Variants in HAUS7 observed in about 807,000 individuals in gnomAD.
HAUS7 encodes HAUS augmin like complex subunit 7.
In HAUS7, 3 loss-of-function variants were observed where a neutral mutation model predicts 28.4. That is an observed-to-expected ratio of 0.11 (90% CI 0.05 to 0.27). The LOEUF (loss-of-function observed/expected upper bound fraction) is 0.27. Among genes scored for constraint, HAUS7 ranks in the 10% least tolerant of loss-of-function variants. HAUS7 has a pLI of 1.00. For synonymous variants in HAUS7, 165 were observed against 132.1 expected, an observed-to-expected ratio of 1.25 and a Z score of -1.71; for missense variants, 284 against 297.3, an observed-to-expected ratio of 0.96 and a Z score of 0.33.
chrX:153,471,117 G>T (rs1241954243), upstream of HAUS7: 2 of 284,950 alleles, frequency 7.0e-6, no homozygotes, highest in African/African-American at 5.5e-5. Context: ...CCCAGCGCGG[G>T]GCTCCGTCTT....
At chrX:153,458,004 C>T (rs1338361683) in intron 4 of HAUS7, among the ~76,000 whole-genome samples, 4 of 113,554 alleles carry the variant, frequency 3.5e-5, no homozygotes, top group African/African-American at 1.3e-4. Flanking sequence ...TTGGCCCTTT[C>T]ACTGTGGCCT....
At chrX:153,471,477 C>G (rs1556985362), upstream of HAUS7, among the ~76,000 whole-genome samples, 1 of 112,615 alleles carries the variant, frequency 8.9e-6, no homozygotes, top group African/African-American at 3.2e-5. Context: ...CTCAATGCGT[C>G]TGCAATGAAA....
rs782173030 is a variant in HAUS7, at chrX:153,447,754, C to A, written c.*124G>T. ...AGGGGCCAAAGGTCCCTGCCTAGAG[C>A]ACAACGTGGGGCTGCAACGGCTTCT... On this transcript the variant is annotated 3_prime_UTR_variant, in exon 10 of 10. Coordinates refer to ENST00000370211, the MANE Select transcript of HAUS7 (RefSeq NM_001385482.1). 4 of 616,485 alleles carry A rather than the reference C, an allele frequency of 6.5e-6. No individual in the cohort carries two copies. The highest frequency in any genetic ancestry group is 1.1e-5 in the Non-Finnish European group (4 of 351,170). 50.8% of individuals were successfully genotyped at this position (616,485 alleles called of 1,213,427 possible). A position where few individuals can be genotyped will look rare whatever the true frequency, so the allele number is the denominator to read the frequency against.
intron 1 of HAUS7, among the ~76,000 whole-genome samples, chrX:153,492,065 G>T (rs782353077): frequency 7.7e-4 from 87 of 112,385 alleles, no homozygotes; most frequent in African/African-American, 2.7e-3. Flanking sequence ...AGACAGCTGT[G>T]TGTCCGCCTC....
At chrX:153,480,264 G>A (rs1299457173) in intron 1 of HAUS7, among the ~76,000 whole-genome samples, 3 of 110,511 alleles carry the variant, frequency 2.7e-5, no homozygotes, top group African/African-American at 6.6e-5. Context: ...CCCAACCACC[G>A]GTCCAACCCC....
chrX:153,490,720 C>T (rs1326985526), intron 1 of HAUS7, among the ~76,000 whole-genome samples: 1 of 112,668 alleles, frequency 8.9e-6, no homozygotes, highest in African/African-American at 3.2e-5. Context: ...GAGGTAACCT[C>T]GATGTGTGAG....
chrX:153,488,905 C>G (rs782667981), intron 1 of HAUS7, among the ~76,000 whole-genome samples: 40 of 113,027 alleles, frequency 3.5e-4, no homozygotes, highest in Non-Finnish European at 7.3e-4. Flanking sequence ...AGGCAGGCCA[C>G]CCACAGGTGG....
intron 6 of HAUS7, 44 bp from the exon 7 acceptor site, chrX:153,456,408 G>A (rs781825581): frequency 1.5e-5 from 18 of 1,173,008 alleles, no homozygotes; most frequent in Admixed American, 2.2e-5. Context: ...CCGCTGCCAG[G>A]GGTGTCTGCA....
rs782361737 is a variant in HAUS7, at chrX:153,457,045, A to AG, written c.446+91dup. The AG allele has an allele frequency of 1.5e-3, 907 of 607,134 alleles. 7 individuals are homozygous for AG. In the African/African-American group the frequency reaches 0.017, roughly 12 times the overall value. The allele number at this position is 607,134 out of a possible 1,213,427, so 50.0% of individuals were successfully genotyped here. A position where few individuals can be genotyped will look rare whatever the true frequency, so the allele number is the denominator to read the frequency against. ...GGTGTCACACCCCAGCCAGCATCAG[A>AG]GGGGGAGTGACACCCCAGCCCCTAC... On this transcript the variant is annotated intron_variant, in intron 5 of 9. Coordinates refer to ENST00000370211, the MANE Select transcript of HAUS7 (RefSeq NM_001385482.1).
At chrX:153,478,248 G>A (rs1189502607) in intron 1 of HAUS7, among the ~76,000 whole-genome samples, 2 of 112,243 alleles carry the variant, frequency 1.8e-5, no homozygotes, top group African/African-American at 6.5e-5. Flanking sequence ...GCGGGGTTGG[G>A]GCTGCAGGGA....
chrX:153,478,930 A>G (rs782526344), intron 1 of HAUS7, among the ~76,000 whole-genome samples: 1 of 112,370 alleles, frequency 8.9e-6, no homozygotes, highest in East Asian at 2.8e-4. Flanking sequence ...CAGAAGCCCC[A>G]TTCATGGAGG....
chrX:153,491,144 G>A (rs1250776609), intron 1 of HAUS7, among the ~76,000 whole-genome samples: 4 of 111,328 alleles, frequency 3.6e-5, no homozygotes, highest in African/African-American at 9.8e-5. Flanking sequence ...GAGGGAGCCC[G>A]GGGCCCAGTT....
chrX:153,467,741 C>T (rs1556984472), intron 2 of HAUS7, among the ~76,000 whole-genome samples: 1 of 112,660 alleles, frequency 8.9e-6, no homozygotes, highest in Non-Finnish European at 1.9e-5. Flanking sequence ...GGAGAACCCC[C>T]CGACTGCACG....
chrX:153,492,675 G>A (rs1350063003), intron 1 of HAUS7, among the ~76,000 whole-genome samples: 3 of 111,060 alleles, frequency 2.7e-5, no homozygotes, highest in African/African-American at 9.9e-5. Context: ...AGACCTGAGG[G>A]TGAGGTCGGT....
chrX:153,486,778 C>G (rs2089641320), intron 1 of HAUS7: 4 of 981,424 alleles, frequency 4.1e-6, no homozygotes, highest in Non-Finnish European at 5.3e-6. Context: ...CGTGGTCCTC[C>G]AGCCCCAGCG....
intron 4 of HAUS7, among the ~76,000 whole-genome samples, chrX:153,457,644 G>A (rs2089332620): frequency 8.8e-6 from 1 of 113,225 alleles, no homozygotes; most frequent in East Asian, 2.8e-4. Flanking sequence ...AGATGAAGCC[G>A]ACAGGATGGG....
chrX:153,468,201 G>A (rs1039314142), intron 2 of HAUS7, among the ~76,000 whole-genome samples: 3 of 112,326 alleles, frequency 2.7e-5, no homozygotes, highest in East Asian at 5.7e-4. Context: ...CTCTGGTCCT[G>A]GCGGGCCAGA....
In HAUS7 at chrX:153,483,533, G is replaced by A. The variant is rs2124180216; in HGVS notation, c.-589+11841C>T. 3 of 705,219 alleles carry A rather than the reference G, an allele frequency of 4.3e-6. No individual in the cohort carries two copies. The African/African-American group carries it at 7.1e-5, about 17-fold the overall frequency. The allele number at this position is 705,219 out of a possible 1,213,427, so 58.1% of individuals were successfully genotyped here. A position where few individuals can be genotyped will look rare whatever the true frequency, so the allele number is the denominator to read the frequency against. ...AGAGCAGCCCCGAGAGGCAGGTGGG[G>A]AAGGCGGAGAGGGCAATGCTGAGCC... On this transcript the variant is annotated intron_variant, in intron 1 of 5. Coordinates refer to the HAUS7 transcript ENST00000370210.
At chrX:153,450,487 C>T (rs1314066763) in intron 9 of HAUS7, among the ~76,000 whole-genome samples, 3 of 112,507 alleles carry the variant, frequency 2.7e-5, no homozygotes, top group Non-Finnish European at 5.6e-5. Flanking sequence ...TAGGCTGCCA[C>T]CTTCCCCGCC....
Sources: allele counts gnomAD v4.1 joint callset (sites outside exome capture counted in the v4.1 genomes callset), GRCh38; gene constraint gnomAD v4.1.1; transcripts MANE v1.5; gene names NCBI Gene and HGNC (gene_info 2026-07-23, HGNC 2026-07-21).